The following CACNA1D variants were observed in gnomAD, a reference collection of about 807,000 sequenced individuals.
CACNA1D encodes calcium voltage-gated channel subunit alpha1 D.
CACNA1D carries 55 observed loss-of-function variants against 257.1 expected under a neutral mutation model. The ratio of observed to expected loss-of-function variants is 0.21; its 90% CI spans 0.17 to 0.27. The LOEUF (loss-of-function observed/expected upper bound fraction) is 0.27, where lower values mean the gene tolerates loss of function less well. Among genes scored for constraint, CACNA1D ranks in the 10% least tolerant of loss-of-function variants. CACNA1D has a pLI of 1.00. For synonymous variants in CACNA1D, 980 were observed against 1,014.9 expected (o/e 0.97, Z 0.65); for missense variants, 1,876 against 2,784.0 (o/e 0.67, Z 7.34).
At chr3:53,584,844 A>G (rs2093187328) in intron 3 of CACNA1D, among the ~76,000 whole-genome samples, 1 of 141,642 alleles carries the variant, frequency 7.1e-6, no homozygotes, top group African/African-American at 2.5e-5. Context: ...TGCTGCACAG[A>G]TGACTCTATT....
At chr3:53,794,185 C>T (rs528106949) in intron 40 of CACNA1D, among the ~76,000 whole-genome samples, 17 of 152,256 alleles carry the variant, frequency 1.1e-4, no homozygotes, top group African/African-American at 3.4e-4. Flanking sequence ...AGTGATGTGA[C>T]GTAGTAGTAA....
In CACNA1D at chr3:53,789,078, A is replaced by T. The variant is rs1248890734; in HGVS notation, c.4923+2126A>T. 6.6e-6 allele frequency among the ~76,000 whole-genome samples: 1 copy of T among 152,222 alleles called. No individual in the cohort carries two copies. The highest frequency in any genetic ancestry group is 2.4e-5 in the African/African-American group (1 of 41,464). ...CAAATGGCATGAATGATACAGCGGC[A>T]GGTTGTGGGTTAAAAGACTCTTTTT... On this transcript the variant is annotated intron_variant, in intron 40 of 47. Coordinates refer to ENST00000350061, the MANE Select transcript of CACNA1D (RefSeq NM_001128840.3). This position sits in a 1 kb window ranked among gnomAD's most constrained non-coding sequence, Gnocchi z 4.2.
intron 8 of CACNA1D, among the ~76,000 whole-genome samples, chr3:53,677,802 G>C (rs1480742975): frequency 1.4e-4 from 22 of 152,216 alleles, no homozygotes; most frequent in Admixed American, 1.4e-3. Flanking sequence ...ACCAGCTTTA[G>C]AATCAGACAA....
chr3:53,570,198 TG>T (rs1317983406), intron 3 of CACNA1D, among the ~76,000 whole-genome samples: 1 of 152,240 alleles, frequency 6.6e-6, no homozygotes, highest in African/African-American at 2.4e-5. Flanking sequence ...GAATTTATTC[TG>T]CTTCAAAGAT....
chr3:53,559,786 G>A (rs28713456), intron 3 of CACNA1D, among the ~76,000 whole-genome samples: 7,933 of 152,178 alleles, frequency 0.052, 734 homozygotes, highest in African/African-American at 0.18. Flanking sequence ...GCTAGAAAGC[G>A]AGGAATTTAG....
chr3:53,604,948 C>T lies in CACNA1D; in HGVS notation c.484-45831C>T, dbSNP rs112700602. Among the ~76,000 whole-genome samples, 863 of 152,264 alleles carry T rather than the reference C, an allele frequency of 5.7e-3. 5 individuals carry two copies. The highest frequency in any genetic ancestry group is 7.9e-3 in the Non-Finnish European group (539 of 68,028). ...AGTGGGTTCTCACTGTGGGCTGTTG[C>T]ATTTAGGCCACTGGTTATGCCTGCT... On this transcript the variant is annotated intron_variant, in intron 3 of 47. Coordinates refer to ENST00000350061, the MANE Select transcript of CACNA1D (RefSeq NM_001128840.3).
At chr3:53,558,246 G>A (rs2092680625) in intron 3 of CACNA1D, among the ~76,000 whole-genome samples, 1 of 152,076 alleles carries the variant, frequency 6.6e-6, no homozygotes, top group Non-Finnish European at 1.5e-5. Context: ...ATCTTTGTGT[G>A]GTTTTTGGTA....
At chr3:53,563,349 C>A (rs2092774137) in intron 3 of CACNA1D, among the ~76,000 whole-genome samples, 1 of 152,058 alleles carries the variant, frequency 6.6e-6, no homozygotes, top group Admixed American at 6.6e-5. Context: ...CATGATGAAA[C>A]CCCATCTCTA....
intron 21 of CACNA1D, 146 bp from the exon 22 acceptor site, chr3:53,742,865 T>C (rs541910357): frequency 1.5e-6 from 1 of 682,734 alleles, no homozygotes; most frequent in Non-Finnish European, 2.7e-6. Context: ...AATTATCCTG[T>C]GGCTCAACCC....
At chr3:53,806,262 C>T (rs1272579981) in intron 45 of CACNA1D, among the ~76,000 whole-genome samples, 1 of 145,082 alleles carries the variant, frequency 6.9e-6, no homozygotes, top group African/African-American at 2.5e-5. Context: ...CTCACTTTCT[C>T]TGCTTCTCCC....
chr3:53,635,830 G>A (rs539491510), intron 3 of CACNA1D, among the ~76,000 whole-genome samples: 48 of 152,204 alleles, frequency 3.2e-4, no homozygotes, highest in Non-Finnish European at 5.7e-4. Context: ...CCAGATAGTC[G>A]TAGAGATCGC....
intron 40 of CACNA1D, chr3:53,791,668 A>C (rs1388705311): frequency 6.6e-6 from 1 of 152,536 alleles, no homozygotes; most frequent in Non-Finnish European, 1.5e-5. Flanking sequence ...ATTGAAACTA[A>C]CACATACACC....
intron 26 of CACNA1D, 176 bp from the exon 27 acceptor site, chr3:53,749,092 G>T: frequency 1.4e-6 from 1 of 702,622 alleles, no homozygotes. Context: ...CTTAGTGCTG[G>T]CTGTTTGGGC....
rs1462527789 is a variant in CACNA1D, at chr3:53,800,876, C to CG, written c.5041-176dup. On this transcript the variant is annotated intron_variant, in intron 41 of 47. Coordinates refer to ENST00000350061, the MANE Select transcript of CACNA1D (RefSeq NM_001128840.3). This position sits in a 1 kb window ranked among gnomAD's most constrained non-coding sequence, Gnocchi z 4.3. ...AGGAAATCGGTAACCTTCCTCATCT[C>CG]GGGGGGACCAACTGCCACACAGTCA... 1.5e-6 allele frequency: 1 copy of CG among 657,964 alleles called. No homozygotes were observed. The highest frequency in any genetic ancestry group is 2.7e-6 in the Non-Finnish European group (1 of 369,792). The allele number at this position is 657,964 out of a possible 1,614,324, so 40.8% of individuals were successfully genotyped here.
chr3:53,751,986 C>T lies in CACNA1D; in HGVS notation c.3675+79C>T. 7.2e-7 allele frequency: 1 copy of T among 1,394,210 alleles called. No individual in the cohort carries two copies. The highest frequency in any genetic ancestry group is 1.7e-5 in the Admixed American group (1 of 59,760). 86.4% of individuals were successfully genotyped at this position (1,394,210 alleles called of 1,614,324 possible). A position where few individuals can be genotyped will look rare whatever the true frequency, so the allele number is the denominator to read the frequency against. On this transcript the variant is annotated intron_variant, in intron 28 of 47. Coordinates refer to ENST00000350061, the MANE Select transcript of CACNA1D (RefSeq NM_001128840.3). The surrounding 1 kb of genome is among the most constrained non-coding windows in gnomAD (Gnocchi z 4.3). ...TGCCCCAAATGCTGAGGGTGGAATG[C>T]TGCCCCTCACAGGAGGGGTTTGATT...
chr3:53,615,783 C>G (rs578007809), intron 3 of CACNA1D, among the ~76,000 whole-genome samples: 2 of 152,336 alleles, frequency 1.3e-5, no homozygotes, highest in South Asian at 4.1e-4. Flanking sequence ...TTTGTTCCAA[C>G]TGGCGCTGTA....
intron 47 of CACNA1D, among the ~76,000 whole-genome samples, chr3:53,810,787 C>CAAAAAAAAAAAAAAAA (rs960057720): frequency 3.4e-5 from 3 of 87,750 alleles, no homozygotes; most frequent in Admixed American, 1.1e-4. Context: ...AAAAAAAAAA[C>CAAAAAAAAAAAAAAAA]AAAAACTGGT....
At chr3:53,507,870 C>A (rs1324518863) in intron 3 of CACNA1D, among the ~76,000 whole-genome samples, 1 of 152,010 alleles carries the variant, frequency 6.6e-6, no homozygotes, top group Non-Finnish European at 1.5e-5. Context: ...GAATACAACT[C>A]ACTCAAATTG....
At position 53,802,102 on chromosome 3, in the gene CACNA1D, C is replaced by T. The variant is rs376672841; in HGVS notation, c.5409-45C>T. The T allele has an allele frequency of 5.2e-6, 8 of 1,539,978 alleles. No homozygotes were observed. In the African/African-American group the frequency reaches 1.1e-4, roughly 21 times the overall value. Reference sequence around the variant, plus strand: ...CATTGTAAATTTGGTTGGAAATTAACTTTTATCTTCTCCCTCCTTCCCATG... The same window carrying T: ...CATTGTAAATTTGGTTGGAAATTAATTTTTATCTTCTCCCTCCTTCCCATG... On this transcript the variant is annotated intron_variant, in intron 42 of 47. Transcript: ENST00000350061.
Sources: allele counts gnomAD v4.1 joint callset (sites outside exome capture counted in the v4.1 genomes callset), GRCh38; gene constraint gnomAD v4.1.1; non-coding constraint Gnocchi (gnomAD v3.1); transcripts MANE v1.5; gene names NCBI Gene and HGNC (gene_info 2026-07-23, HGNC 2026-07-21).